Variants in DTNB observed in about 807,000 individuals in gnomAD.
DTNB encodes the protein dystrobrevin beta.
In DTNB, 63 loss-of-function variants were observed where a neutral mutation model predicts 90.7. That is an observed-to-expected ratio of 0.69 (90% CI 0.57 to 0.86). DTNB has a LOEUF of 0.86. DTNB is among the 40% of genes least tolerant of loss of function. DTNB has a pLI of 0.00. For synonymous variants in DTNB, 277 were observed against 286.7 expected, an observed-to-expected ratio of 0.97 and a Z score of 0.34; for missense variants, 744 against 807.1, an observed-to-expected ratio of 0.92 and a Z score of 0.95.
chr2:25,541,737 CTT>C (rs2081304699), intron 8 of DTNB, among the ~76,000 whole-genome samples: 1 of 152,142 alleles, frequency 6.6e-6, no homozygotes, highest in Non-Finnish European at 1.5e-5. Context: ...ACAAACATCT[CTT>C]TGAGACCCTG....
At chr2:25,567,245 C>T (rs1559056966) in intron 8 of DTNB, among the ~76,000 whole-genome samples, 3 of 152,160 alleles carry the variant, frequency 2.0e-5, no homozygotes, top group Non-Finnish European at 2.9e-5. Flanking sequence ...CAGGAGCATG[C>T]TCAGTAAGCA....
intron 18 of DTNB, 38 bp from the exon 19 acceptor site, chr2:25,383,927 G>C (rs889457090): frequency 6.2e-7 from 1 of 1,613,928 alleles, no homozygotes; most frequent in Non-Finnish European, 8.5e-7. Context: ...TGACCCTTCG[G>C]CACAGGACAA....
chr2:25,537,446 A>G (rs995833789), intron 8 of DTNB, among the ~76,000 whole-genome samples: 7 of 152,202 alleles, frequency 4.6e-5, no homozygotes. Flanking sequence ...ATTCCAAATA[A>G]TTAAGGCACA....
Position 25,508,886 on chromosome 2 carries a change from A to G in DTNB, c.1001+22587T>C, listed in dbSNP as rs371402013. On this transcript the variant is annotated intron_variant, in intron 9 of 20. Coordinates refer to ENST00000406818, the MANE Select transcript of DTNB (RefSeq NM_021907.5). ...AGTATTTAGTTTACACATCTTGCAC[A>G]TATTTCATTATATGTATTCCTACGT... 2.0e-5 allele frequency among the ~76,000 whole-genome samples: 3 copies of G among 152,290 alleles called. No individual in the cohort carries two copies. The East Asian group carries it at 5.8e-4, about 29-fold the overall frequency.
At chr2:25,422,039 A>G (rs1238427136) in intron 15 of DTNB, among the ~76,000 whole-genome samples, 3 of 152,214 alleles carry the variant, frequency 2.0e-5, no homozygotes, top group Non-Finnish European at 4.4e-5. Flanking sequence ...AAAGCCCTTA[A>G]GGCTCTGTCA....
intron 2 of DTNB, among the ~76,000 whole-genome samples, chr2:25,651,205 T>G (rs776242356): frequency 2.0e-4 from 31 of 152,374 alleles, no homozygotes; most frequent in South Asian, 4.1e-4. Flanking sequence ...AAGTGCTTTA[T>G]TCACATTATC....
chr2:25,518,967 A>G (rs955691741), intron 9 of DTNB, among the ~76,000 whole-genome samples: 1 of 152,166 alleles, frequency 6.6e-6, no homozygotes, highest in Non-Finnish European at 1.5e-5. Context: ...AGGAGAACAA[A>G]AAGCAACTCT....
intron 1 of DTNB, among the ~76,000 whole-genome samples, chr2:25,653,771 C>G (rs937530621): frequency 6.6e-6 from 1 of 152,024 alleles, no homozygotes; most frequent in Non-Finnish European, 1.5e-5. Flanking sequence ...CTCAGCCTCC[C>G]AAAGTGCTGA....
Position 25,419,521 on chromosome 2 carries a change from C to T in DTNB, c.1569G>A (p.Lys523=), listed in dbSNP as rs1031959005. The change falls in exon 16 of 21, where the codon AAG becomes AAA. Residue 523 remains lysine (K), a synonymous_variant. Transcript: ENST00000406818. ...AATTCCGAAGTTCACTTACTGCCTG[C>T]TTTTGCTCTTCCTCCTGGAGTGTTG... The part of the protein sequence containing the change: ...LMKLLKEEEQ[K]QAAQATGSPH... 2 of 1,558,100 alleles carry T rather than the reference C, an allele frequency of 1.3e-6. No individual in the cohort carries two copies. The highest frequency in any genetic ancestry group is 1.4e-5 in the African/African-American group (1 of 73,206).
intron 10 of DTNB, among the ~76,000 whole-genome samples, chr2:25,481,411 T>TAAA (rs5829978): frequency 7.1e-6 from 1 of 141,806 alleles, no homozygotes; most frequent in Non-Finnish European, 1.5e-5. Context: ...TCTCCAAATT[T>TAAA]AAAAAAAAAA....
intron 19 of DTNB, among the ~76,000 whole-genome samples, chr2:25,383,131 C>G (rs1010185022): frequency 1.3e-5 from 2 of 151,890 alleles, no homozygotes; most frequent in Non-Finnish European, 2.9e-5. Flanking sequence ...TTTCAGAAAC[C>G]CTTATTATAC....
intron 14 of DTNB, among the ~76,000 whole-genome samples, chr2:25,431,648 A>G (rs1010022482): frequency 6.6e-6 from 1 of 152,198 alleles, no homozygotes; most frequent in African/African-American, 2.4e-5. Flanking sequence ...TTAACTGAGC[A>G]CTTTCAGCAA....
intron 3 of DTNB, among the ~76,000 whole-genome samples, chr2:25,637,770 A>G (rs1240145141): frequency 1.3e-5 from 2 of 152,198 alleles, no homozygotes; most frequent in African/African-American, 2.4e-5. Context: ...GGGACTGTAA[A>G]CTAGTTCAAC....
chr2:25,472,185 A>G (rs1248737701), intron 10 of DTNB, among the ~76,000 whole-genome samples: 1 of 152,240 alleles, frequency 6.6e-6, no homozygotes, highest in African/African-American at 2.4e-5. Context: ...CATCGAACAC[A>G]CAGCTACTAC....
intron 6 of DTNB, among the ~76,000 whole-genome samples, chr2:25,581,440 C>T (rs1011776506): frequency 5.3e-5 from 8 of 152,312 alleles, no homozygotes; most frequent in Admixed American, 3.9e-4. Context: ...GAGATAGTTA[C>T]GATAAGGATG....
rs561790107 is a variant in DTNB at position 25,667,706 on chromosome 2, A to C, written c.-2+5680T>G. Among the ~76,000 whole-genome samples, 134 of 152,330 alleles carry C rather than the reference A, an allele frequency of 8.8e-4. 1 individual carries two copies. The highest frequency in any genetic ancestry group is 1.2e-3 in the Admixed American group (18 of 15,304). On this transcript the variant is annotated intron_variant, in intron 1 of 20. Transcript: ENST00000406818. ...ATACAGTCACTTTGAAAGATAGTTT[A>C]ATAGTTTCCTACAAAGCTTGATATA...
intron 6 of DTNB, among the ~76,000 whole-genome samples, chr2:25,588,964 T>C (rs2062977640): frequency 6.6e-6 from 1 of 152,220 alleles, no homozygotes; most frequent in Non-Finnish European, 1.5e-5. Context: ...AGAATACCTA[T>C]GAAATAACAA....
At chr2:25,405,001 T>G (rs887362865) in intron 16 of DTNB, among the ~76,000 whole-genome samples, 3 of 152,148 alleles carry the variant, frequency 2.0e-5, no homozygotes, top group Non-Finnish European at 4.4e-5. Flanking sequence ...TGGAGTGCAG[T>G]GGCAAGATCA....
At chr2:25,572,415 C>T (rs1276557943) in intron 8 of DTNB, among the ~76,000 whole-genome samples, 2 of 150,592 alleles carry the variant, frequency 1.3e-5, no homozygotes, top group Non-Finnish European at 3.0e-5. Context: ...TGCAGTTAGC[C>T]GAGATCGCGC....
Sources: gnomAD v4.1 joint callset for allele counts (sites outside exome capture counted in the v4.1 genomes callset) on GRCh38, gnomAD v4.1.1 for gene constraint, MANE v1.5 for transcripts, NCBI Gene and HGNC (gene_info 2026-07-23, HGNC 2026-07-21) for gene names.